KLKB1: variants seen among roughly 807,000 people sequenced by gnomAD.
KLKB1 encodes the protein kallikrein B1.
Under a neutral mutation model 73.6 loss-of-function variants are expected in KLKB1, and 58 were observed. The observed-to-expected ratio is 0.79, with a 90% CI of 0.64 to 0.98. KLKB1 has a LOEUF of 0.98. KLKB1 is among the 50% of genes least tolerant of loss of function. The probability of loss-of-function intolerance (pLI) is 0.00; values close to 1 mark genes in which losing one functional copy is unlikely to be tolerated. For synonymous variants in KLKB1, 280 were observed against 258.1 expected, an observed-to-expected ratio of 1.08 and a Z score of -0.81; for missense variants, 737 against 763.8, an observed-to-expected ratio of 0.96 and a Z score of 0.41.
At chr4:186,230,988 C>T (rs4241815) in intron 2 of KLKB1, among the ~76,000 whole-genome samples, 85,215 of 151,866 alleles carry the variant, frequency 0.56, 24,278 homozygotes, top group East Asian at 0.68. Context: ...AAACCTTACC[C>T]GAGAGGTGGT....
intron 4 of KLKB1, 66 bp downstream of exon 4, chr4:186,234,124 C>T (rs1156333196): frequency 2.4e-6 from 3 of 1,232,470 alleles, no homozygotes; most frequent in African/African-American, 1.5e-5. Context: ...AGCTTTTGCT[C>T]AAAGTTTGTA....
chr4:186,229,366 C>A (rs1036510606), intron 2 of KLKB1, among the ~76,000 whole-genome samples: 3 of 152,180 alleles, frequency 2.0e-5, no homozygotes, highest in Non-Finnish European at 4.4e-5. Context: ...TATTTTTCTA[C>A]ATATACCTAT....
At chr4:186,225,768 T>C (rs1433158481), upstream of KLKB1, among the ~76,000 whole-genome samples, 1 of 152,156 alleles carries the variant, frequency 6.6e-6, no homozygotes, top group Non-Finnish European at 1.5e-5. Context: ...TTTGGAGTTC[T>C]TTTGGGCTTC....
rs527351804 is a variant in KLKB1 at position 186,254,532 on chromosome 4, C to A, written c.1314-56C>A. On this transcript the variant is annotated intron_variant, in intron 11 of 14. Transcript: ENST00000264690. Reference sequence around the variant, plus strand: ...GAAAGAGAGTGATAGGAAAAAGGAACACTATTGAAGGAAGGACTGCCCAGT... The same window carrying A: ...GAAAGAGAGTGATAGGAAAAAGGAAAACTATTGAAGGAAGGACTGCCCAGT... 1.3e-4 allele frequency: 177 copies of A among 1,366,928 alleles called. No individual in the cohort carries two copies. The Admixed American group carries it at 2.8e-3, about 22-fold the overall frequency. The allele number at this position is 1,366,928 out of a possible 1,614,324, so 84.7% of individuals were successfully genotyped here. A position where few individuals can be genotyped will look rare whatever the true frequency, so the allele number is the denominator to read the frequency against.
At chr4:186,236,056 G>A (rs2126636977) in intron 4 of KLKB1, among the ~76,000 whole-genome samples, 1 of 146,932 alleles carries the variant, frequency 6.8e-6, no homozygotes. Context: ...GGAGCTTGCA[G>A]TGAGTCGAGA....
intron 4 of KLKB1, 36 bp from the exon 5 acceptor site, chr4:186,236,745 T>A (rs750229412): frequency 8.1e-6 from 13 of 1,609,258 alleles, no homozygotes; most frequent in Non-Finnish European, 1.1e-5. Flanking sequence ...AGAAAGAAAA[T>A]GGACTGTATT....
intron 2 of KLKB1, among the ~76,000 whole-genome samples, chr4:186,221,063 A>G (rs924179488): frequency 1.3e-5 from 2 of 151,792 alleles, no homozygotes; most frequent in Non-Finnish European, 2.9e-5. Flanking sequence ...GAATTTATCT[A>G]TTTCTTCTAC....
chr4:186,235,923 GGC>G, intron 4 of KLKB1, among the ~76,000 whole-genome samples: 1 of 151,914 alleles, frequency 6.6e-6, no homozygotes, highest in African/African-American at 2.4e-5. Flanking sequence ...AGACCATCCT[GGC>G]TGACACGGTG....
At chr4:186,237,955 G>T (rs1289401556) in intron 5 of KLKB1, among the ~76,000 whole-genome samples, 2 of 151,752 alleles carry the variant, frequency 1.3e-5, no homozygotes, top group Non-Finnish European at 2.9e-5. Flanking sequence ...GTCATTTTTC[G>T]CTTTCCTGAA....
chr4:186,237,258 C>G (rs1737744581), intron 5 of KLKB1, among the ~76,000 whole-genome samples: 1 of 152,070 alleles, frequency 6.6e-6, no homozygotes, highest in African/African-American at 2.4e-5. Flanking sequence ...GCCACCATGC[C>G]TGGCTAATTT....
In KLKB1 at chr4:186,232,154, C is replaced by A. The variant is rs1256623930; in HGVS notation, c.86C>A (p.Ala29Asp). ...CGCLTQLYEN[A>D]FFRGGDVASM... is the part of the protein sequence containing the mutation. ...TGTCTGACTCAACTCTATGAAAACGCCTTCTTCAGAGGTGGGGATGTAGCT... is the reference window on the plus strand; with the variant it reads ...TGTCTGACTCAACTCTATGAAAACGACTTCTTCAGAGGTGGGGATGTAGCT... The change falls in exon 3 of 15, where the codon GCC becomes GAC. Residue 29 changes from alanine to aspartate, a missense_variant. Transcript: ENST00000264690. 1.9e-6 allele frequency: 3 copies of A among 1,613,052 alleles called. No individual in the cohort carries two copies. Among genetic ancestry groups the A allele is most frequent in the African/African-American group, 2.7e-5 (2 of 74,976 alleles).
At chr4:186,213,250 T>C (rs924856164) in intron 2 of KLKB1, 1 of 152,254 alleles carries the variant, frequency 6.6e-6, no homozygotes, top group East Asian at 1.9e-4. Context: ...GGATGCTGCC[T>C]TGTTTTATAA....
chr4:186,232,306 C>T lies in KLKB1; in HGVS notation c.221+17C>T. On this transcript the variant is annotated intron_variant, in intron 3 of 14. Transcript: ENST00000264690. Reference sequence around the variant, plus strand: ...GGAGAAAAGGTAAAAGTTGGTATTTCATTATTGGAGAAGCTGTTTTTCAAA... The same window carrying T: ...GGAGAAAAGGTAAAAGTTGGTATTTTATTATTGGAGAAGCTGTTTTTCAAA... The T allele has an allele frequency of 6.2e-7, 1 of 1,610,838 alleles. No individual in the cohort carries two copies.
intron 2 of KLKB1, chr4:186,211,471 G>T (rs918148656): frequency 6.6e-6 from 1 of 151,980 alleles, no homozygotes; most frequent in Admixed American, 6.6e-5. Context: ...CTGCCACCAC[G>T]CCCAGCTAAT....
rs139178458 is a variant in KLKB1, at chr4:186,238,283, C to T, written c.516C>T (p.Pro172=). The part of the protein sequence containing the change: ...YRNNCLLKYS[P]GGTPTAIKVL... ...ACAATTGCCTATTAAAGTACAGTCC[C>T]GGAGGAACACCTACCGCTATAAAGG... is the stretch of plus-strand genomic sequence containing the variant. Residue 172 remains proline, a synonymous_variant, in exon 6 of 15, where the codon CCC becomes CCT. Coordinates refer to ENST00000264690, the MANE Select transcript of KLKB1 (RefSeq NM_000892.5). 99 of 1,613,436 alleles carry T rather than the reference C, an allele frequency of 6.1e-5. No individual in the cohort carries two copies. The highest frequency in any genetic ancestry group is 9.4e-5 in the African/African-American group (7 of 74,848).
intron 6 of KLKB1, among the ~76,000 whole-genome samples, chr4:186,248,392 C>T (rs765255608): frequency 1.6e-4 from 25 of 152,084 alleles, no homozygotes; most frequent in Non-Finnish European, 2.5e-4. Context: ...CTTGACTCTT[C>T]GGGACATTTT....
rs1739110762 is a variant in KLKB1, at chr4:186,258,048, A to T, written c.1753A>T (p.Lys585Ter). Residue 585 changes from lysine (K) to a stop codon, truncating the protein, a stop_gained, in exon 15 of 15, where the codon AAA becomes TAA. Transcript: ENST00000264690. LOFTEE classifies it low-confidence loss of function (END_TRUNC). ...AGATTCAGGTGGTCCCTTAGTTTGC[A>T]AACACAATGGAATGTGGCGTTTGGT... ...KGDSGGPLVCKHNGMWRLVGI... is the reference protein window; with the variant it reads ...KGDSGGPLVC 6.2e-7 allele frequency: 1 copy of T among 1,613,954 alleles called. No individual in the cohort carries two copies. Among genetic ancestry groups the T allele is most frequent in the African/African-American group, 1.3e-5 (1 of 74,904 alleles).
chr4:186,238,592 AAG>A (rs1737833305), intron 6 of KLKB1, among the ~76,000 whole-genome samples: 1 of 152,218 alleles, frequency 6.6e-6, no homozygotes, highest in Non-Finnish European at 1.5e-5. Context: ...TCATAAGAAA[AAG>A]AGAGAGGCGG....
At chr4:186,212,993 A>T (rs1406351039) in intron 2 of KLKB1, 1 of 152,218 alleles carries the variant, frequency 6.6e-6, no homozygotes, top group Non-Finnish European at 1.5e-5. Flanking sequence ...TTGGATAATA[A>T]AAGTTGTATT....
Sources: allele counts gnomAD v4.1 joint callset (sites outside exome capture counted in the v4.1 genomes callset), GRCh38; gene constraint gnomAD v4.1.1; transcripts MANE v1.5; gene names NCBI Gene and HGNC (gene_info 2026-07-23, HGNC 2026-07-21).